The following RUNX1T1 variants were observed in gnomAD, a reference collection of about 807,000 sequenced individuals.
The protein encoded by RUNX1T1 is protein CBFA2T1.
Under a neutral mutation model 62.8 loss-of-function variants are expected in RUNX1T1, and 4 were observed. The observed-to-expected ratio is 0.06, with a 90% CI of 0.03 to 0.15. The LOEUF is 0.15. Ranked by LOEUF, RUNX1T1 falls within the 10% of genes least tolerant of loss-of-function variation. The pLI is 1.00. For missense variants in RUNX1T1, 508 were observed against 754.3 expected (o/e 0.67, Z 3.82); for synonymous variants, 291 against 286.0 (o/e 1.02, Z -0.18).
At chr8:91,979,327 C>G (rs1345899333) in intron 8 of RUNX1T1, among the ~76,000 whole-genome samples, 3 of 152,120 alleles carry the variant, frequency 2.0e-5, no homozygotes, top group South Asian at 4.1e-4. Flanking sequence ...ACTGGCTAAT[C>G]TAAACACATC....
intron 8 of RUNX1T1, among the ~76,000 whole-genome samples, chr8:91,981,796 A>G (rs78257383): frequency 0.026 from 3,972 of 152,214 alleles, 167 homozygotes; most frequent in African/African-American, 0.09. Context: ...TCTCTGGCAA[A>G]TACTAAACTC....
At chr8:92,068,552 C>A (rs1445340121) in intron 2 of RUNX1T1, among the ~76,000 whole-genome samples, 2 of 152,106 alleles carry the variant, frequency 1.3e-5, no homozygotes, top group Non-Finnish European at 2.9e-5. Context: ...ACCAATTTCA[C>A]ATTTTCTGCT....
chr8:91,981,372 GT>G (rs1437552161), intron 8 of RUNX1T1, among the ~76,000 whole-genome samples: 2 of 135,738 alleles, frequency 1.5e-5, no homozygotes, highest in Non-Finnish European at 3.1e-5. Flanking sequence ...ACAGGGGATG[GT>G]ATTAATTCAA....
At chr8:92,027,094 C>A (rs1486949274) in intron 1 of RUNX1T1, among the ~76,000 whole-genome samples, 1 of 132,700 alleles carries the variant, frequency 7.5e-6, no homozygotes, top group Non-Finnish European at 1.5e-5. Flanking sequence ...CCAGCCTGGG[C>A]GACAGAGCGA....
intron 10 of RUNX1T1, among the ~76,000 whole-genome samples, chr8:91,963,468 TA>T (rs1810961447): frequency 6.7e-6 from 1 of 149,850 alleles, no homozygotes; most frequent in African/African-American, 2.6e-5. Flanking sequence ...AAAAGCTCAT[TA>T]GAAAACTGAA....
intron 3 of RUNX1T1, among the ~76,000 whole-genome samples, chr8:92,011,664 T>G (rs1198562857): frequency 6.6e-6 from 1 of 152,220 alleles, no homozygotes; most frequent in East Asian, 1.9e-4. Flanking sequence ...GGTTTGACCC[T>G]TCTGTGAGTC....
chr8:92,034,795 T>TACACACACACAC lies in RUNX1T1; in HGVS notation c.8-17433_8-17432insGTGTGTGTGTGT, dbSNP rs763510689. On this transcript the variant is annotated intron_variant, in intron 1 of 10. Coordinates refer to ENST00000396218, the Ensembl canonical transcript of RUNX1T1. ...ATATATACACATATATATATACATA[T>TACACACACACAC]ATACACACACACACACACACACACA... 4.1e-5 allele frequency among the ~76,000 whole-genome samples: 3 copies of TACACACACACAC among 73,450 alleles called. 1 individual carries two copies. Among genetic ancestry groups the TACACACACACAC allele is most frequent in the Non-Finnish European group, 9.1e-5 (3 of 32,896 alleles). 48.2% of individuals were successfully genotyped at this position (73,450 alleles called of 152,430 possible).
intron 1 of RUNX1T1, chr8:92,062,520 G>C (rs1316674986): frequency 6.8e-6 from 11 of 1,611,476 alleles, no homozygotes; most frequent in Non-Finnish European, 9.3e-6. Context: ...GAAAAACAGA[G>C]AGAACACAGA....
At chr8:91,996,951 G>A (rs1464787470) in intron 5 of RUNX1T1, among the ~76,000 whole-genome samples, 22 of 147,530 alleles carry the variant, frequency 1.5e-4, no homozygotes, top group Non-Finnish European at 4.5e-5. Context: ...GTGAAACCCC[G>A]TCTCTACTAA....
chr8:91,980,856 G>C (rs1815069053), intron 8 of RUNX1T1, among the ~76,000 whole-genome samples: 2 of 151,924 alleles, frequency 1.3e-5, no homozygotes, highest in Admixed American at 1.3e-4. Flanking sequence ...ATTTTTGGTA[G>C]AGATGGGGTC....
At chr8:91,968,322 A>G (rs1206976789) in intron 10 of RUNX1T1, among the ~76,000 whole-genome samples, 1 of 152,200 alleles carries the variant, frequency 6.6e-6, no homozygotes, top group African/African-American at 2.4e-5. Flanking sequence ...ACTAGGTGTC[A>G]ATGGACAGCT....
Position 92,028,196 on chromosome 8 carries a change from C to CTT in RUNX1T1, c.8-10835_8-10834dup, listed in dbSNP as rs201238471. 6.2e-4 allele frequency among the ~76,000 whole-genome samples: 74 copies of CTT among 118,942 alleles called. 1 individual carries two copies. In the East Asian group the frequency reaches 0.014, roughly 22 times the overall value. The allele number at this position is 118,942 out of a possible 152,430, so 78.0% of individuals were successfully genotyped here. A position where few individuals can be genotyped will look rare whatever the true frequency, so the allele number is the denominator to read the frequency against. On this transcript the variant is annotated intron_variant, in intron 1 of 10. Transcript: ENST00000396218. ...AACAGCTAGAGACATATTAGTAATT[C>CTT]TTTTTTTTTTTTTTTCAATTTTATC...
intron 1 of RUNX1T1, among the ~76,000 whole-genome samples, chr8:92,017,846 T>C (rs980107555): frequency 6.6e-6 from 1 of 152,244 alleles, no homozygotes; most frequent in Non-Finnish European, 1.5e-5. Flanking sequence ...CTTAGTTTTC[T>C]GGCCTATTAG....
At chr8:92,063,504 T>C (rs1428892499), upstream of RUNX1T1, 1 of 152,246 alleles carries the variant, frequency 6.6e-6, no homozygotes, top group African/African-American at 2.4e-5. Flanking sequence ...TTCCCATGAA[T>C]AACACATACC....
intron 1 of RUNX1T1, among the ~76,000 whole-genome samples, chr8:92,043,849 G>C (rs1587269339): frequency 6.6e-6 from 1 of 151,762 alleles, no homozygotes; most frequent in African/African-American, 2.4e-5. Flanking sequence ...ATGTTGACAG[G>C]CACCTGTAAT....
chr8:92,028,245 C>T (rs1447301235), intron 1 of RUNX1T1, among the ~76,000 whole-genome samples: 1 of 148,494 alleles, frequency 6.7e-6, no homozygotes, highest in African/African-American at 2.5e-5. Context: ...AATAACTTAG[C>T]TGTTTGAAAC....
intron 2 of RUNX1T1, among the ~76,000 whole-genome samples, chr8:92,071,995 C>G (rs1833758927): frequency 6.6e-6 from 1 of 152,020 alleles, no homozygotes. Context: ...TATGCTATTC[C>G]CAGTCATTAC....
chr8:92,061,200 T>C (rs535935116), intron 1 of RUNX1T1, among the ~76,000 whole-genome samples: 4 of 152,232 alleles, frequency 2.6e-5, no homozygotes, highest in Non-Finnish European at 5.9e-5. Context: ...AATTAACATA[T>C]AGACTCTTCA....
At chr8:92,061,724 A>G (rs1832063995) in intron 1 of RUNX1T1, among the ~76,000 whole-genome samples, 1 of 152,118 alleles carries the variant, frequency 6.6e-6, no homozygotes, top group South Asian at 2.1e-4. Context: ...TGCCTGTCCT[A>G]CCCAAATAAT....
Sources: gnomAD v4.1 joint callset for allele counts (sites outside exome capture counted in the v4.1 genomes callset) on GRCh38, gnomAD v4.1.1 for gene constraint, MANE v1.5 for transcripts, NCBI Gene and HGNC (gene_info 2026-07-23, HGNC 2026-07-21) for gene names.